Variants in TINAG observed in about 807,000 individuals in gnomAD.
The protein encoded by TINAG is tubulointerstitial nephritis antigen.
TINAG carries 83 observed loss-of-function variants against 72.7 expected under a neutral mutation model. The ratio of observed to expected loss-of-function variants is 1.14; its 90% CI spans 0.96 to 1.37. The LOEUF is 1.37. Ranked by LOEUF, TINAG falls within the 40% of genes most tolerant of loss-of-function variation. The probability of loss-of-function intolerance (pLI) is 0.00; values close to 1 mark genes in which losing one functional copy is unlikely to be tolerated. For missense variants in TINAG, 685 were observed against 576.6 expected, an observed-to-expected ratio of 1.19 and a Z score of -1.93; for synonymous variants, 234 against 189.9, an observed-to-expected ratio of 1.23 and a Z score of -1.91.
intron 10 of TINAG, among the ~76,000 whole-genome samples, chr6:54,382,771 G>T (rs1508634): frequency 0.12 from 17,816 of 152,046 alleles, 1,867 homozygotes; most frequent in East Asian, 0.35. Flanking sequence ...AGGTAGCAGT[G>T]TATGTCTCAT....
chr6:54,364,404 T>C (rs1763342595), intron 9 of TINAG, among the ~76,000 whole-genome samples: 1 of 151,534 alleles, frequency 6.6e-6, no homozygotes, highest in Admixed American at 6.6e-5. Context: ...GAAAGACTGA[T>C]AAATGGCATA....
chr6:54,356,489 A>G (rs1763045342), intron 9 of TINAG, among the ~76,000 whole-genome samples: 1 of 151,942 alleles, frequency 6.6e-6, no homozygotes, highest in Non-Finnish European at 1.5e-5. Flanking sequence ...GTGAGCTTAA[A>G]TCTGCACTCT....
At chr6:54,330,419 C>T (rs1163709732) in intron 4 of TINAG, among the ~76,000 whole-genome samples, 1 of 152,100 alleles carries the variant, frequency 6.6e-6, no homozygotes, top group Admixed American at 6.6e-5. Flanking sequence ...AGAACAAAGA[C>T]ACAACGTACC....
chr6:54,325,032 A>T (rs1197099251), intron 3 of TINAG, among the ~76,000 whole-genome samples: 1 of 152,204 alleles, frequency 6.6e-6, no homozygotes, highest in Non-Finnish European at 1.5e-5. Context: ...TTCCCTAAAC[A>T]TGCCACCCAA....
At chr6:54,323,783 A>T (rs1051241503) in intron 3 of TINAG, among the ~76,000 whole-genome samples, 1 of 152,062 alleles carries the variant, frequency 6.6e-6, no homozygotes, top group African/African-American at 2.4e-5. Flanking sequence ...GTGAAACCCC[A>T]TCTCTACCAG....
chr6:54,358,036 T>G (rs1477058647), intron 9 of TINAG, among the ~76,000 whole-genome samples: 1 of 151,760 alleles, frequency 6.6e-6, no homozygotes, highest in Admixed American at 6.6e-5. Flanking sequence ...GATTTCCTGC[T>G]CTAGTGATTA....
At chr6:54,375,262 T>C (rs1327004395) in intron 9 of TINAG, among the ~76,000 whole-genome samples, 3 of 152,146 alleles carry the variant, frequency 2.0e-5, no homozygotes, top group African/African-American at 2.4e-5. Flanking sequence ...TCAGAATTTC[T>C]TTTGGAAATT....
rs751188992 is a variant in TINAG at position 54,349,728 on chromosome 6, C to G, written c.912C>G (p.His304Gln). The G allele has an allele frequency of 3.2e-6, 5 of 1,574,192 alleles. No individual in the cohort carries two copies. In the South Asian group the frequency reaches 5.9e-5, roughly 18 times the overall value. ...TTATTCCTCATAGACTGGTATCCCA[C>G]GCATGCTACCCACTTTTCAAAGACC... is the stretch of plus-strand genomic sequence containing the variant. ...WYLRKRGLVS[H>Q]ACYPLFKDQN... is the part of the protein sequence containing the mutation. Residue 304 changes from histidine to glutamine, a missense_variant, in exon 7 of 11, where the codon CAC becomes CAG. Transcript: ENST00000259782.
At chr6:54,353,380 T>C (rs1220853925) in intron 8 of TINAG, among the ~76,000 whole-genome samples, 2 of 151,864 alleles carry the variant, frequency 1.3e-5, no homozygotes, top group South Asian at 2.1e-4. Context: ...TGGCCTGGCA[T>C]ACGGCATTTC....
Position 54,308,885 on chromosome 6 carries a change from C to A in TINAG, c.335C>A (p.Thr112Lys). The change falls in exon 1 of 11, where the codon ACA becomes AAA. Residue 112 changes from threonine (T) to lysine (K), a missense_variant. Coordinates refer to ENST00000259782, the MANE Select transcript of TINAG (RefSeq NM_014464.4). ...GAAGAGAAAGAATGGCCTCCTCACA[C>A]ACAGCCTTGGTATCCAGAAGGTAGG... ...CREEKEWPPH[T>K]QPWYPEGCFK... is the part of the protein sequence containing the mutation. The A allele has an allele frequency of 6.2e-7, 1 of 1,611,548 alleles. No individual in the cohort carries two copies. Among genetic ancestry groups the A allele is most frequent in the Non-Finnish European group, 8.5e-7 (1 of 1,178,932 alleles).
chr6:54,365,295 G>T (rs1452891308), intron 9 of TINAG: 1 of 151,454 alleles, frequency 6.6e-6, no homozygotes, highest in Non-Finnish European at 1.5e-5. Context: ...CTTTTTTGGT[G>T]GGGTGCACTG....
intron 9 of TINAG, among the ~76,000 whole-genome samples, chr6:54,355,535 T>A (rs1763009697): frequency 6.6e-6 from 1 of 151,948 alleles, no homozygotes; most frequent in Non-Finnish European, 1.5e-5. Context: ...GTCCTTCCTT[T>A]ATTTTAAATA....
At chr6:54,386,667 T>A (rs1292280862) in intron 10 of TINAG, among the ~76,000 whole-genome samples, 1 of 152,092 alleles carries the variant, frequency 6.6e-6, no homozygotes, top group African/African-American at 2.4e-5. Flanking sequence ...TGAGCCACAT[T>A]TGGTCCACGA....
At chr6:54,387,253 A>G (rs987485718) in intron 10 of TINAG, among the ~76,000 whole-genome samples, 6 of 152,196 alleles carry the variant, frequency 3.9e-5, no homozygotes, top group Admixed American at 3.3e-4. Flanking sequence ...AAGGATTGAT[A>G]ATATCCAGCA....
chr6:54,387,447 G>C (rs1160462245), intron 10 of TINAG, among the ~76,000 whole-genome samples: 5 of 150,028 alleles, frequency 3.3e-5, no homozygotes, highest in African/African-American at 1.3e-4. Flanking sequence ...ATGAATCCCA[G>C]AAACATTATT....
At chr6:54,325,642 A>G (rs1784586180) in intron 3 of TINAG, among the ~76,000 whole-genome samples, 1 of 152,146 alleles carries the variant, frequency 6.6e-6, no homozygotes, top group Non-Finnish European at 1.5e-5. Flanking sequence ...CACCAAATTG[A>G]GTGCTGAATT....
chr6:54,318,630 G>A (rs1255192360), intron 1 of TINAG, among the ~76,000 whole-genome samples: 1 of 152,110 alleles, frequency 6.6e-6, no homozygotes, highest in Non-Finnish European at 1.5e-5. Context: ...ACAGTAAGAA[G>A]TTTGGTCTTA....
intron 9 of TINAG, among the ~76,000 whole-genome samples, chr6:54,355,715 G>A (rs1763015209): frequency 8.0e-5 from 2 of 24,846 alleles, no homozygotes; most frequent in South Asian, 1.3e-3. Flanking sequence ...AAAATGTAAC[G>A]TGTGTGTGTG....
At chr6:54,320,049 C>G (rs1784453900) in intron 1 of TINAG, among the ~76,000 whole-genome samples, 1 of 152,016 alleles carries the variant, frequency 6.6e-6, no homozygotes, top group Non-Finnish European at 1.5e-5. Context: ...CAAATGGCTA[C>G]AATCTTATTG....
Sources: gnomAD v4.1 joint callset for allele counts (sites outside exome capture counted in the v4.1 genomes callset) on GRCh38, gnomAD v4.1.1 for gene constraint, MANE v1.5 for transcripts, NCBI Gene and HGNC (gene_info 2026-07-23, HGNC 2026-07-21) for gene names.